The following TNS3 variants were observed in gnomAD, a reference collection of about 807,000 sequenced individuals.
TNS3 encodes the protein tensin-3.
Under a neutral mutation model 140.9 loss-of-function variants are expected in TNS3, and 45 were observed. That is an observed-to-expected ratio of 0.32 (90% confidence interval 0.25 to 0.41). TNS3 has a LOEUF of 0.41. Ranked by LOEUF, TNS3 falls within the 10% of genes least tolerant of loss-of-function variation. The pLI is 1.00. For missense variants in TNS3, 1,716 were observed against 1,906.7 expected, an observed-to-expected ratio of 0.90 and a Z score of 1.86; for synonymous variants, 815 against 788.4, an observed-to-expected ratio of 1.03 and a Z score of -0.56.
At chr7:47,488,101 A>G (rs1292415444) in intron 3 of TNS3, among the ~76,000 whole-genome samples, 1 of 152,238 alleles carries the variant, frequency 6.6e-6, no homozygotes, top group Non-Finnish European at 1.5e-5. Flanking sequence ...ATTATACCAC[A>G]GCTTTGACTT....
intron 13 of TNS3, among the ~76,000 whole-genome samples, chr7:47,410,044 G>A (rs1475114933): frequency 6.6e-6 from 1 of 152,182 alleles, no homozygotes; most frequent in Admixed American, 6.5e-5. Context: ...GCTCAATACA[G>A]ACTCAGGCCC....
rs1030675984 is a variant in TNS3 at position 47,346,311 on chromosome 7, C to A, written c.2327G>T (p.Ser776Ile). ...AGCATCGTTGTCGTACTGCCCCAGG[C>A]TCAGCTTCCTGAGTCTCCCGCCCAG... The part of the protein sequence containing the change: ...QPLGGRLRKL[S>I]LGQYDNDAGG... The change falls in exon 18 of 31, where the codon AGC becomes ATC. Residue 776 changes from serine to isoleucine, a missense_variant. By Grantham distance (142) the Ser-to-Ile change is moderately radical. This residue lies in a region of TNS3 where 1,163 missense variants were observed against 1,182.1 expected (regional missense o/e 0.98). Coordinates refer to ENST00000311160, the MANE Select transcript of TNS3 (RefSeq NM_022748.12). The A allele has an allele frequency of 6.2e-7, 1 of 1,614,102 alleles. No homozygotes were observed. Among genetic ancestry groups the A allele is most frequent in the Non-Finnish European group, 8.5e-7 (1 of 1,180,042 alleles).
rs1466569121 is a variant in TNS3, at chr7:47,280,090, A to C, written c.4193+74T>G. On this transcript the variant is annotated intron_variant, in intron 30 of 30. Coordinates refer to ENST00000311160, the MANE Select transcript of TNS3 (RefSeq NM_022748.12). Reference sequence around the variant, plus strand: ...TTTCTTATAAGGCACCCCCTGTGCAAATCTGGAAGAGAATTCAACTTTGGA... The same window carrying C: ...TTTCTTATAAGGCACCCCCTGTGCACATCTGGAAGAGAATTCAACTTTGGA... 8 of 1,580,924 alleles carry C rather than the reference A, an allele frequency of 5.1e-6. No homozygotes were observed. In the African/African-American group the frequency reaches 9.5e-5, roughly 19 times the overall value.
At chr7:47,288,631 A>C (rs1172947217) in intron 27 of TNS3, among the ~76,000 whole-genome samples, 1 of 152,122 alleles carries the variant, frequency 6.6e-6, no homozygotes, top group Non-Finnish European at 1.5e-5. Flanking sequence ...TTAACAGAAG[A>C]AAGCTAAGAA....
At chr7:47,478,481 A>G (rs903630522) in intron 4 of TNS3, among the ~76,000 whole-genome samples, 5 of 151,952 alleles carry the variant, frequency 3.3e-5, no homozygotes, top group Non-Finnish European at 5.9e-5. Flanking sequence ...ACACACATCC[A>G]TATGTTCACA....
At chr7:47,301,527 T>TA (rs1411385494) in intron 23 of TNS3, among the ~76,000 whole-genome samples, 1 of 151,994 alleles carries the variant, frequency 6.6e-6, no homozygotes, top group Non-Finnish European at 1.5e-5. Context: ...AAGAGCTTGC[T>TA]AGCCTTCCTC....
intron 1 of TNS3, among the ~76,000 whole-genome samples, chr7:47,559,874 G>A (rs1019679229): frequency 3.3e-5 from 5 of 152,136 alleles, no homozygotes; most frequent in African/African-American, 1.2e-4. Context: ...TTCGGCGGTC[G>A]AGCAGCCCTG....
chr7:47,418,441 G>C (rs1182860718), intron 10 of TNS3, among the ~76,000 whole-genome samples: 1 of 152,200 alleles, frequency 6.6e-6, no homozygotes, highest in Non-Finnish European at 1.5e-5. Flanking sequence ...AGATATAAAT[G>C]AATCAATTGT....
chr7:47,388,960 G>A lies in TNS3; in HGVS notation c.1024+7840C>T, dbSNP rs191552204. On this transcript the variant is annotated intron_variant, in intron 16 of 30. Coordinates refer to ENST00000311160, the MANE Select transcript of TNS3 (RefSeq NM_022748.12). ...AGAAGAAGGAGAAGCAGAAACAGAAGAAGCAGAAGCAGAAGAAGCAGCAGA... is the reference window on the plus strand; with the variant it reads ...AGAAGAAGGAGAAGCAGAAACAGAAAAAGCAGAAGCAGAAGAAGCAGCAGA... Among the ~76,000 whole-genome samples, 85 of 141,378 alleles carry A rather than the reference G, an allele frequency of 6.0e-4. 4 individuals are homozygous for A. The highest frequency in any genetic ancestry group is 4.1e-3 in the Middle Eastern group (1 of 242). The allele number at this position is 141,378 out of a possible 152,430, so 92.7% of individuals were successfully genotyped here. A position where few individuals can be genotyped will look rare whatever the true frequency, so the allele number is the denominator to read the frequency against.
intron 16 of TNS3, among the ~76,000 whole-genome samples, chr7:47,380,264 G>A (rs933564211): frequency 5.3e-5 from 8 of 152,256 alleles, no homozygotes; most frequent in African/African-American, 1.9e-4. Flanking sequence ...TGCAGGCTCA[G>A]CATTCAGCAG....
At chr7:47,283,920 C>A in intron 27 of TNS3, 55 bp from the exon 28 acceptor site, 4 of 1,457,402 alleles carry the variant, frequency 2.7e-6, no homozygotes, top group Non-Finnish European at 3.6e-6. Flanking sequence ...ACAGGTGTGT[C>A]CTGTTAACAC....
intron 17 of TNS3, among the ~76,000 whole-genome samples, chr7:47,354,817 G>A (rs961136634): frequency 1.4e-4 from 21 of 152,206 alleles, no homozygotes; most frequent in Admixed American, 4.6e-4. Flanking sequence ...CCCTCTTGTC[G>A]CGGTGACACG....
At chr7:47,548,829 G>A (rs1483817998) in intron 1 of TNS3, among the ~76,000 whole-genome samples, 6 of 152,040 alleles carry the variant, frequency 3.9e-5, no homozygotes, top group Admixed American at 1.3e-4. Flanking sequence ...GGCCATCCCC[G>A]AAGCACCGCT....
At chr7:47,451,689 G>A (rs1796024675) in intron 4 of TNS3, among the ~76,000 whole-genome samples, 1 of 152,242 alleles carries the variant, frequency 6.6e-6, no homozygotes, top group African/African-American at 2.4e-5. Context: ...GCCGGGCCAT[G>A]TGTGAGGTGA....
intron 2 of TNS3, among the ~76,000 whole-genome samples, chr7:47,509,895 C>T (rs578121551): frequency 6.6e-6 from 1 of 152,280 alleles, no homozygotes; most frequent in East Asian, 1.9e-4. Context: ...TCCATCTCTC[C>T]CGATGGGCTG....
intron 13 of TNS3, among the ~76,000 whole-genome samples, chr7:47,401,552 G>A (rs1793167479): frequency 6.6e-6 from 1 of 152,290 alleles, no homozygotes; most frequent in South Asian, 2.1e-4. Flanking sequence ...TCAAGCTGGG[G>A]TTCATGAGGT....
At chr7:47,454,977 C>T (rs1796188053) in intron 4 of TNS3, among the ~76,000 whole-genome samples, 1 of 152,188 alleles carries the variant, frequency 6.6e-6, no homozygotes, top group Non-Finnish European at 1.5e-5. Flanking sequence ...GCGTTCTGTC[C>T]TGTTAGATGT....
At chr7:47,396,078 G>A (rs1792811585) in intron 16 of TNS3, among the ~76,000 whole-genome samples, 2 of 152,234 alleles carry the variant, frequency 1.3e-5, no homozygotes, top group Non-Finnish European at 2.9e-5. Context: ...GACAAAAAGT[G>A]TTTTAATTTC....
intron 2 of TNS3, among the ~76,000 whole-genome samples, chr7:47,526,655 A>C (rs1027249040): frequency 6.6e-6 from 1 of 152,170 alleles, no homozygotes; most frequent in African/African-American, 2.4e-5. Flanking sequence ...TTCATGGGGA[A>C]CCTTCGGCTG....
Sources: allele counts gnomAD v4.1 joint callset (sites outside exome capture counted in the v4.1 genomes callset), GRCh38; gene constraint gnomAD v4.1.1; regional missense constraint gnomAD v4.1.1; transcripts MANE v1.5; gene names NCBI Gene and HGNC (gene_info 2026-07-23, HGNC 2026-07-21).